The following FOXN1 variants were observed in gnomAD, a reference collection of about 807,000 sequenced individuals.
The protein encoded by FOXN1 is forkhead box N1.
FOXN1 carries 15 observed loss-of-function variants against 49.0 expected under a neutral mutation model. The observed-to-expected ratio is 0.31, with a 90% confidence interval of 0.20 to 0.47. The LOEUF (loss-of-function observed/expected upper bound fraction) is 0.47. FOXN1 is among the 20% of genes least tolerant of loss of function. FOXN1 has a pLI of 1.00. For synonymous variants in FOXN1, 356 were observed against 369.0 expected (o/e 0.96, Z 0.40); for missense variants, 800 against 842.8 (o/e 0.95, Z 0.63).
At position 28,534,559 on chromosome 17, in the gene FOXN1, C is replaced by T. The variant is rs1374580988; in HGVS notation, c.1135+21C>T. 5.0e-6 allele frequency: 8 copies of T among 1,605,516 alleles called. No homozygotes were observed. Among genetic ancestry groups the T allele is most frequent in the Admixed American group, 1.7e-5 (1 of 59,104 alleles). On this transcript the variant is annotated intron_variant, in intron 7 of 8. Coordinates refer to ENST00000579795, the MANE Select transcript of FOXN1 (RefSeq NM_001369369.1). This position sits in a 1 kb window ranked among gnomAD's most constrained non-coding sequence, Gnocchi z 4.1. Reference sequence around the variant, plus strand: ...GCCAGGTGAGGCCGGCCGGGCCACGCAAGGAAGGGCCCAGGGTACTCATGA... The same window carrying T: ...GCCAGGTGAGGCCGGCCGGGCCACGTAAGGAAGGGCCCAGGGTACTCATGA...
intron 6 of FOXN1, among the ~76,000 whole-genome samples, chr17:28,532,458 C>T (rs1338447964): frequency 6.6e-6 from 1 of 152,240 alleles, no homozygotes; most frequent in Non-Finnish European, 1.5e-5. Context: ...TAAGCTCTGT[C>T]ACTGCCTCCT....
Position 28,537,154 on chromosome 17 carries a change from C to T in FOXN1, c.1665C>T (p.Ala555=). ...AACAGTTGAAGGATGATAGCTTGGCCCTCGACCCCCTGGTACTGGTGACCT... is the reference window on the plus strand; with the variant it reads ...AACAGTTGAAGGATGATAGCTTGGCTCTCGACCCCCTGGTACTGGTGACCT... ...LWEQLKDDSL[A]LDPLVLVTSS... is the part of the protein sequence containing the mutation. Residue 555 remains alanine, a synonymous_variant, in exon 9 of 9, where the codon GCC becomes GCT. Transcript: ENST00000579795. The T allele has an allele frequency of 2.5e-6, 4 of 1,614,062 alleles. No individual in the cohort carries two copies. The highest frequency in any genetic ancestry group is 1.7e-6 in the Non-Finnish European group (2 of 1,179,962).
chr17:28,508,105 C>T (rs1489528447), intron 1 of FOXN1, among the ~76,000 whole-genome samples: 2 of 152,348 alleles, frequency 1.3e-5, no homozygotes, highest in East Asian at 1.9e-4. Flanking sequence ...CCCGGCGCCT[C>T]ACTCACTCCC....
At chr17:28,528,532 G>A (rs1231712812) in intron 4 of FOXN1, among the ~76,000 whole-genome samples, 1 of 152,074 alleles carries the variant, frequency 6.6e-6, no homozygotes, top group Non-Finnish European at 1.5e-5. Flanking sequence ...CTTCAGCCTG[G>A]AGCAGCTGGG....
chr17:28,529,748 C>T (rs764167834), intron 5 of FOXN1, among the ~76,000 whole-genome samples: 1 of 152,166 alleles, frequency 6.6e-6, no homozygotes, highest in African/African-American at 2.4e-5. Context: ...ATTCATCCAA[C>T]CAACAGTGAC....
chr17:28,533,480 C>T (rs1041627037), intron 6 of FOXN1, among the ~76,000 whole-genome samples: 2 of 129,780 alleles, frequency 1.5e-5, no homozygotes, highest in Admixed American at 1.5e-4. Flanking sequence ...TCTATTGGCA[C>T]GAGCACCCCC....
chr17:28,518,464 CG>C (rs2069576552), intron 1 of FOXN1, among the ~76,000 whole-genome samples: 1 of 152,142 alleles, frequency 6.6e-6, no homozygotes, highest in Non-Finnish European at 1.5e-5. Context: ...ATGGGTAGAG[CG>C]GGCGCAGGCC....
intron 8 of FOXN1, among the ~76,000 whole-genome samples, chr17:28,535,899 G>C (rs1432100617): frequency 1.3e-5 from 2 of 152,224 alleles, no homozygotes; most frequent in African/African-American, 4.8e-5. Context: ...GAAGGAGAGA[G>C]ACTCTACCCT....
intron 1 of FOXN1, among the ~76,000 whole-genome samples, chr17:28,513,141 C>T (rs765060784): frequency 1.3e-5 from 2 of 152,160 alleles, no homozygotes; most frequent in Non-Finnish European, 2.9e-5. Flanking sequence ...TGGTGCTGCC[C>T]GCCTGTAATC....
Position 28,523,792 on chromosome 17 carries a change from TTCTC to T in FOXN1, c.-14-127_-14-124del, listed in dbSNP as rs10527420. 2,452 of 649,812 alleles carry T rather than the reference TTCTC, an allele frequency of 3.8e-3. 9 individuals carry two copies. The highest frequency in any genetic ancestry group is 0.016 in the Middle Eastern group (43 of 2,692). The allele number at this position is 649,812 out of a possible 1,614,324, so 40.3% of individuals were successfully genotyped here. A position where few individuals can be genotyped will look rare whatever the true frequency, so the allele number is the denominator to read the frequency against. ...TCTCTTTCTCTCTCTCGCTCTCTGG[TTCTC>T]TCTCTCTCTCTCTCTCTCTCTCTCT... is the stretch of plus-strand genomic sequence containing the variant. On this transcript the variant is annotated intron_variant, in intron 1 of 8. Transcript: ENST00000579795.
At chr17:28,517,969 A>ACGCCTCCAC (rs2069561425) in intron 1 of FOXN1, among the ~76,000 whole-genome samples, 1 of 149,386 alleles carries the variant, frequency 6.7e-6, no homozygotes, top group Non-Finnish European at 1.5e-5. Flanking sequence ...CACAGGGTAC[A>ACGCCTCCAC]TGCCTCCACT....
chr17:28,510,387 C>A (rs1347792661), intron 1 of FOXN1, among the ~76,000 whole-genome samples: 6 of 152,010 alleles, frequency 3.9e-5, no homozygotes, highest in Non-Finnish European at 7.4e-5. Context: ...CAGAGACACA[C>A]ACAGACACAC....
chr17:28,519,795 G>A (rs2069603290), intron 1 of FOXN1, among the ~76,000 whole-genome samples: 1 of 152,088 alleles, frequency 6.6e-6, no homozygotes, highest in Non-Finnish European at 1.5e-5. Flanking sequence ...TGGGAAAGGC[G>A]GAAATGACCT....
chr17:28,537,256 G>A lies in FOXN1; in HGVS notation c.1767G>A (p.Glu589=). The A allele has an allele frequency of 6.2e-7, 1 of 1,614,074 alleles. No homozygotes were observed. The highest frequency in any genetic ancestry group is 8.5e-7 in the Non-Finnish European group (1 of 1,179,982). ...HCFPPGPCLT[E]TGSGAGDLAA... The stretch of plus-strand genomic sequence containing the variant: ...TCCCCCCTGGGCCCTGTCTGACAGA[G>A]ACAGGCAGTGGGGCAGGTGACTTGG... The change falls in exon 9 of 9, where the codon GAG becomes GAA. Residue 589 remains glutamate, a synonymous_variant. Coordinates refer to ENST00000579795, the MANE Select transcript of FOXN1 (RefSeq NM_001369369.1).
intron 1 of FOXN1, among the ~76,000 whole-genome samples, chr17:28,510,604 AC>A (rs1567869866): frequency 6.6e-6 from 1 of 151,770 alleles, no homozygotes; most frequent in African/African-American, 2.4e-5. Flanking sequence ...ACACACACAC[AC>A]ACACACACAT....
chr17:28,536,944 G>A (rs1427243929), intron 8 of FOXN1, among the ~76,000 whole-genome samples, 173 bp from the exon 9 acceptor site: 1 of 152,114 alleles, frequency 6.6e-6, no homozygotes, highest in East Asian at 1.9e-4. Flanking sequence ...GGAATCTGAG[G>A]CTGAGAGGTT....
chr17:28,515,738 A>G (rs996686883), intron 1 of FOXN1, among the ~76,000 whole-genome samples: 2 of 151,528 alleles, frequency 1.3e-5, no homozygotes, highest in East Asian at 2.0e-4. Context: ...CCCCTCCACA[A>G]GTATACACAC....
At position 28,537,101 on chromosome 17, in the gene FOXN1, C is replaced by G. The variant is rs764920357; in HGVS notation, c.1628-16C>G. 1 of 1,610,528 alleles carries G rather than the reference C, an allele frequency of 6.2e-7. No individual in the cohort carries two copies. Among genetic ancestry groups the G allele is most frequent in the South Asian group, 1.1e-5 (1 of 91,036 alleles). ...GGTGCCTCCCAGTGACACCTGTTCT[C>G]TCCTTCCCCATCTAGGAAACCTGTG... On this transcript the variant is annotated splice_polypyrimidine_tract_variant and intron_variant, in intron 8 of 8. Transcript: ENST00000579795.
Position 28,534,950 on chromosome 17 carries a change from C to A in FOXN1, c.1379C>A (p.Pro460Gln). Residue 460 changes from proline to glutamine, a missense_variant, in exon 8 of 9, where the codon CCA (proline) becomes CAA (glutamine). By Grantham distance (76) the Pro-to-Gln change is moderately conservative. Around this residue, in one of 3 missense-constraint regions of FOXN1, gnomAD observed 344 missense variants for 366.1 expected, o/e 0.94. Transcript: ENST00000579795. The surrounding 1 kb of genome is among the most constrained non-coding windows in gnomAD (Gnocchi z 4.1). Reference sequence around the variant, plus strand: ...GGGCAGACATACTTGCACCTCTCACCAGGCCTGGCCCCTCCTGGACCCCCG... The same window carrying A: ...GGGCAGACATACTTGCACCTCTCACAAGGCCTGGCCCCTCCTGGACCCCCG... ...CYGQTYLHLS[P>Q]GLAPPGPPQP... 1 of 1,614,126 alleles carries A rather than the reference C, an allele frequency of 6.2e-7. No homozygotes were observed. Among genetic ancestry groups the A allele is most frequent in the South Asian group, 1.1e-5 (1 of 91,086 alleles).
Sources: gnomAD v4.1 joint callset for allele counts (sites outside exome capture counted in the v4.1 genomes callset) on GRCh38, gnomAD v4.1.1 for gene constraint, gnomAD v4.1.1 regional missense constraint, Gnocchi (gnomAD v3.1) non-coding constraint, MANE v1.5 for transcripts, NCBI Gene and HGNC (gene_info 2026-07-23, HGNC 2026-07-21) for gene names.